DNAH9: variants seen among roughly 807,000 people sequenced by gnomAD.
DNAH9 encodes the protein dynein axonemal heavy chain 9, also known as DNAH9 variant protein.
A neutral mutation model predicts 471.6 loss-of-function variants in DNAH9; 345 were observed. The observed-to-expected ratio is 0.73, with a 90% confidence interval of 0.67 to 0.80. DNAH9 has a LOEUF of 0.80. Ranked by LOEUF, DNAH9 falls within the 30% of genes least tolerant of loss-of-function variation. DNAH9 has a pLI of 0.00. For missense variants in DNAH9, 5,407 were observed against 5,609.2 expected, an observed-to-expected ratio of 0.96 and a Z score of 1.15; for synonymous variants, 2,093 against 2,123.6, an observed-to-expected ratio of 0.99 and a Z score of 0.40.
At chr17:11,950,563 TCTCA>T (rs1975328343) in intron 67 of DNAH9, among the ~76,000 whole-genome samples, 1 of 152,062 alleles carries the variant, frequency 6.6e-6, no homozygotes, top group Non-Finnish European at 1.5e-5. Context: ...AGAGATGGGG[TCTCA>T]CTATGTTGCC....
At chr17:11,868,230 T>C (rs766579281) in intron 50 of DNAH9, among the ~76,000 whole-genome samples, 3 of 152,202 alleles carry the variant, frequency 2.0e-5, no homozygotes, top group Admixed American at 6.5e-5. Context: ...CAGTCTGCCA[T>C]CCTTAATTGG....
At position 11,627,693 on chromosome 17, in the gene DNAH9, C is replaced by T. The variant is rs183612903; in HGVS notation, c.1351-1724C>T. ...GTCCCTCCCTGGTTTTGGCATCTGT[C>T]TTCCCTGCCTTGGCTGGTGTCTTCC... is the stretch of plus-strand genomic sequence containing the variant. On this transcript the variant is annotated intron_variant, in intron 6 of 68. Transcript: ENST00000262442. Among the ~76,000 whole-genome samples the T allele has an allele frequency of 1.8e-4, 27 of 152,336 alleles. No homozygotes were observed. In the East Asian group the frequency reaches 5.2e-3, roughly 29 times the overall value.
intron 35 of DNAH9, among the ~76,000 whole-genome samples, chr17:11,759,717 C>T (rs185569719): frequency 9.9e-4 from 146 of 147,946 alleles, no homozygotes; most frequent in Non-Finnish European, 1.6e-3. Context: ...GTCAGAGTCT[C>T]GCTCTGTAGA....
chr17:11,611,603 C>G lies in DNAH9; in HGVS notation c.774-47C>G, dbSNP rs1340106057. The G allele has an allele frequency of 2.5e-6, 4 of 1,596,812 alleles. No homozygotes were observed. The Admixed American group carries it at 6.7e-5, about 27-fold the overall frequency. On this transcript the variant is annotated intron_variant, in intron 3 of 68. Transcript: ENST00000262442. ...CGATGGGTCATCACAGTGTGACTTG[C>G]ATTTCCTGATGCTTCCCTGGATTCA...
Position 11,598,874 on chromosome 17 carries a change from C to A in DNAH9, c.376C>A (p.Pro126Thr). The change falls in exon 1 of 69, where the codon CCC (proline) becomes ACC (threonine). Residue 126 changes from proline (P) to threonine (T), a missense_variant. This residue lies in a region of DNAH9 where 767 missense variants were observed against 692.5 expected (regional missense o/e 1.11). Coordinates refer to ENST00000262442, the MANE Select transcript of DNAH9 (RefSeq NM_001372.4). The stretch of plus-strand genomic sequence containing the variant: ...CGGCGCAGTGGTCTGCGGGGACCTG[C>A]CCGCGGCACCTCTGGAGCACCTAGC... ...FRGAVVCGDLPAAPLEHLAAL... is the reference protein window; with the variant it reads ...FRGAVVCGDLTAAPLEHLAAL... 1 of 1,542,920 alleles carries A rather than the reference C, an allele frequency of 6.5e-7. No individual in the cohort carries two copies. Among genetic ancestry groups the A allele is most frequent in the Non-Finnish European group, 8.7e-7 (1 of 1,150,908 alleles).
chr17:11,681,029 T>A lies in DNAH9; in HGVS notation c.3743+140T>A, dbSNP rs1455225087. The stretch of plus-strand genomic sequence containing the variant: ...CTTCCTTCCCATTTAGGACCTTTGG[T>A]TGAAACGTGGTGCTAATGTGGACTG... On this transcript the variant is annotated intron_variant, in intron 19 of 68. Transcript: ENST00000262442. 7 of 817,808 alleles carry A rather than the reference T, an allele frequency of 8.6e-6. 1 individual carries two copies. In the Admixed American group the frequency reaches 1.1e-4, roughly 13 times the overall value. 50.7% of individuals were successfully genotyped at this position (817,808 alleles called of 1,614,324 possible).
At chr17:11,799,600 G>A (rs1268924263) in intron 43 of DNAH9, among the ~76,000 whole-genome samples, 2 of 151,174 alleles carry the variant, frequency 1.3e-5, no homozygotes, top group Non-Finnish European at 3.0e-5. Flanking sequence ...TGTTGTTGTT[G>A]TTTTGAGAGG....
Position 11,699,720 on chromosome 17 carries a change from T to C in DNAH9, c.4873-11T>C. On this transcript the variant is annotated splice_polypyrimidine_tract_variant and intron_variant, in intron 22 of 68. Coordinates refer to ENST00000262442, the MANE Select transcript of DNAH9 (RefSeq NM_001372.4). The stretch of plus-strand genomic sequence containing the variant: ...TGTTTTATGATCCATTGGCCTGGTT[T>C]CCCTTCATAGGTTCAACGTCACCTT... 1 of 1,613,884 alleles carries C rather than the reference T, an allele frequency of 6.2e-7. No individual in the cohort carries two copies. Among genetic ancestry groups the C allele is most frequent in the Non-Finnish European group, 8.5e-7 (1 of 1,179,752 alleles).
At chr17:11,782,450 T>C (rs1230500684) in intron 39 of DNAH9, among the ~76,000 whole-genome samples, 1 of 152,148 alleles carries the variant, frequency 6.6e-6, no homozygotes, top group African/African-American at 2.4e-5. Flanking sequence ...TGCTTCCACA[T>C]CTATACAACT....
chr17:11,692,739 CAT>C (rs1290285480), intron 20 of DNAH9, among the ~76,000 whole-genome samples: 1 of 151,746 alleles, frequency 6.6e-6, no homozygotes, highest in African/African-American at 2.4e-5. Flanking sequence ...GGTCAGATGA[CAT>C]GTGATATCAT....
chr17:11,868,398 C>T (rs1195239985), intron 50 of DNAH9, among the ~76,000 whole-genome samples: 1 of 152,114 alleles, frequency 6.6e-6, no homozygotes, highest in Non-Finnish European at 1.5e-5. Flanking sequence ...GTCCATGTAT[C>T]TTTGTGTGTA....
intron 68 of DNAH9, among the ~76,000 whole-genome samples, chr17:11,963,639 C>T (rs925968183): frequency 2.6e-5 from 4 of 151,448 alleles, no homozygotes; most frequent in African/African-American, 4.9e-5. Context: ...CATATGTATC[C>T]CCTGTATCTA....
chr17:11,737,248 T>A (rs1226322254), intron 28 of DNAH9, among the ~76,000 whole-genome samples: 1 of 152,206 alleles, frequency 6.6e-6, no homozygotes. Context: ...GAATCCTAAT[T>A]GTAGAACTGT....
chr17:11,826,820 CTTTTTT>C (rs760330537), intron 48 of DNAH9, among the ~76,000 whole-genome samples: 1 of 103,022 alleles, frequency 9.7e-6, no homozygotes, highest in Admixed American at 1.0e-4. Context: ...TCCCTACTTT[CTTTTTT>C]TTTTTTTTTT....
intron 49 of DNAH9, among the ~76,000 whole-genome samples, chr17:11,841,347 TA>T (rs1158499412): frequency 6.6e-6 from 1 of 152,128 alleles, no homozygotes; most frequent in Non-Finnish European, 1.5e-5. Flanking sequence ...CCTCAGTGTT[TA>T]AAAGGAAAGG....
At chr17:11,786,732 G>A (rs149892664) in intron 41 of DNAH9, among the ~76,000 whole-genome samples, 4 of 152,282 alleles carry the variant, frequency 2.6e-5, no homozygotes, top group South Asian at 2.1e-4. Flanking sequence ...AAAGGCTTCC[G>A]GAGGAAAGAG....
chr17:11,674,872 A>G (rs1322186031), intron 17 of DNAH9, among the ~76,000 whole-genome samples: 2 of 152,160 alleles, frequency 1.3e-5, no homozygotes, highest in Non-Finnish European at 2.9e-5. Context: ...AGAAATCCTA[A>G]TTACTGTAGC....
chr17:11,966,260 C>T (rs1001391474), intron 68 of DNAH9, among the ~76,000 whole-genome samples: 1 of 152,174 alleles, frequency 6.6e-6, no homozygotes, highest in African/African-American at 2.4e-5. Context: ...AGAGTAATAG[C>T]TGATTGCTCA....
At chr17:11,708,008 CACACACAGAGAGAGAGAGAGAG>C (rs1468958066) in intron 26 of DNAH9, among the ~76,000 whole-genome samples, 7 of 47,168 alleles carry the variant, frequency 1.5e-4, no homozygotes, top group South Asian at 7.2e-4. Context: ...CACACACACA[CACACACAGAGAGAGAGAGAGAG>C]AGAGAGAGAG....
Sources: allele counts gnomAD v4.1 joint callset (sites outside exome capture counted in the v4.1 genomes callset), GRCh38; gene constraint gnomAD v4.1.1; regional missense constraint gnomAD v4.1.1; transcripts MANE v1.5; gene names NCBI Gene and HGNC (gene_info 2026-07-23, HGNC 2026-07-21).